The following ELMO1 variants were observed in gnomAD, a reference collection of about 807,000 sequenced individuals.
ELMO1 encodes the protein engulfment and cell motility protein 1.
In ELMO1, 26 loss-of-function variants were observed where a neutral mutation model predicts 98.9. That is an observed-to-expected ratio of 0.26 (90% CI 0.19 to 0.36). The LOEUF (loss-of-function observed/expected upper bound fraction) is 0.36, where lower values mean the gene tolerates loss of function less well. ELMO1 is among the 10% of genes least tolerant of loss of function. ELMO1 has a pLI of 1.00. For synonymous variants in ELMO1, 346 were observed against 346.0 expected, an observed-to-expected ratio of 1.00 and a Z score of 0.00; for missense variants, 627 against 935.2, an observed-to-expected ratio of 0.67 and a Z score of 4.30.
intron 1 of ELMO1, among the ~76,000 whole-genome samples, chr7:37,377,665 T>G (rs1338092178): frequency 6.6e-6 from 1 of 152,044 alleles, no homozygotes; most frequent in African/African-American, 2.4e-5. Context: ...GGAAAGCAAA[T>G]TTAGGGTCTG....
intron 15 of ELMO1, among the ~76,000 whole-genome samples, chr7:37,085,985 A>T (rs1316614500): frequency 6.6e-6 from 1 of 152,246 alleles, no homozygotes; most frequent in Non-Finnish European, 1.5e-5. Context: ...TGTAAGTTTC[A>T]TCCAAGGAAG....
At chr7:37,426,142 C>CT (rs36086006) in intron 1 of ELMO1, among the ~76,000 whole-genome samples, 14,981 of 84,512 alleles carry the variant, frequency 0.18, 2,707 homozygotes, top group African/African-American at 0.3. Flanking sequence ...TTTTTTCTTT[C>CT]TTTTTTTTTT....
chr7:37,040,444 A>C (rs918459084), intron 15 of ELMO1, among the ~76,000 whole-genome samples: 2 of 152,212 alleles, frequency 1.3e-5, no homozygotes, highest in Non-Finnish European at 2.9e-5. Flanking sequence ...TAGCATCATT[A>C]TGACAAAAAC....
intron 14 of ELMO1, among the ~76,000 whole-genome samples, chr7:37,119,904 G>A (rs1286317769): frequency 6.6e-6 from 1 of 152,166 alleles, no homozygotes; most frequent in Non-Finnish European, 1.5e-5. Flanking sequence ...TATGAGGGAC[G>A]CTGAAGCAAG....
chr7:37,153,793 G>T (rs1034812853), intron 13 of ELMO1, among the ~76,000 whole-genome samples: 2 of 152,190 alleles, frequency 1.3e-5, no homozygotes, highest in African/African-American at 4.8e-5. Flanking sequence ...CAGCTCTGAA[G>T]AGAGCAGTGG....
intron 1 of ELMO1, among the ~76,000 whole-genome samples, chr7:37,413,128 AT>A (rs35190792): frequency 0.25 from 38,305 of 150,906 alleles, 5,101 homozygotes; most frequent in East Asian, 0.42. Flanking sequence ...ACTTGACCAA[AT>A]TTTTTTTTTG....
At chr7:37,232,045 G>T (rs1057394787) in intron 8 of ELMO1, among the ~76,000 whole-genome samples, 8 of 152,056 alleles carry the variant, frequency 5.3e-5, no homozygotes, top group Non-Finnish European at 1.0e-4. Context: ...TAGAGACGAG[G>T]TTTCACCATG....
chr7:37,013,505 T>C (rs919545217), intron 15 of ELMO1, 70 bp from the exon 16 acceptor site: 50 of 1,560,628 alleles, frequency 3.2e-5, no homozygotes, highest in Non-Finnish European at 4.3e-5. Flanking sequence ...TAACCACAGG[T>C]ATGTGCCCCA....
intron 6 of ELMO1, among the ~76,000 whole-genome samples, chr7:37,245,235 T>C (rs1794939325): frequency 6.6e-6 from 1 of 152,148 alleles, no homozygotes; most frequent in Non-Finnish European, 1.5e-5. Context: ...GGTGCCTGCA[T>C]CGCAGGCCAC....
In ELMO1 at chr7:37,259,294, C is replaced by T. The variant is rs779135010; in HGVS notation, c.300G>A (p.Lys100=). 2.5e-6 allele frequency: 4 copies of T among 1,614,050 alleles called. No homozygotes were observed. The highest frequency in any genetic ancestry group is 3.3e-5 in the Admixed American group (2 of 60,006). The change falls in exon 6 of 22, where the codon AAG becomes AAA. Residue 100 remains lysine, a synonymous_variant. Transcript: ENST00000310758. ...TGGCCAAGTCCTTCAGGGCTTCCAG[C>T]TTGGCATCCATACTCGAGGACTGGA... ...ERIQSSSMDA[K]LEALKDLASL...
intron 7 of ELMO1, 25 bp downstream of exon 7, chr7:37,244,331 A>G (rs760092332): frequency 3.0e-5 from 48 of 1,611,120 alleles, no homozygotes; most frequent in Non-Finnish European, 3.8e-5. Flanking sequence ...TAAATCATCA[A>G]TATCAATCGA....
intron 14 of ELMO1, among the ~76,000 whole-genome samples, chr7:37,102,838 C>T (rs1784710659): frequency 6.6e-6 from 1 of 152,188 alleles, no homozygotes; most frequent in African/African-American, 2.4e-5. Flanking sequence ...TTACCAATTC[C>T]TATTGAAAAC....
intron 16 of ELMO1, among the ~76,000 whole-genome samples, chr7:36,937,952 T>C (rs927191593): frequency 1.3e-5 from 2 of 152,218 alleles, no homozygotes; most frequent in African/African-American, 4.8e-5. Flanking sequence ...TGAGAAACAC[T>C]ATTCTAGAAG....
chr7:37,350,406 G>A (rs1240286553), intron 1 of ELMO1, among the ~76,000 whole-genome samples: 1 of 152,196 alleles, frequency 6.6e-6, no homozygotes, highest in Non-Finnish European at 1.5e-5. Context: ...TGCTTTCCCA[G>A]TGTCTGGCAT....
chr7:36,974,364 G>A (rs1790309124), intron 16 of ELMO1, among the ~76,000 whole-genome samples: 1 of 152,144 alleles, frequency 6.6e-6, no homozygotes, highest in African/African-American at 2.4e-5. Context: ...TCTAGCTCAG[G>A]GATTGTAAAT....
chr7:37,116,834 G>GA (rs1785631607), intron 14 of ELMO1: 1 of 165,362 alleles, frequency 6.0e-6, no homozygotes, highest in Non-Finnish European at 1.3e-5. Flanking sequence ...TCCTAGAAAA[G>GA]TACTACATGT....
intron 16 of ELMO1, among the ~76,000 whole-genome samples, chr7:36,925,432 GAAGAT>G (rs1785490997): frequency 6.6e-6 from 1 of 152,136 alleles, no homozygotes; most frequent in Non-Finnish European, 1.5e-5. Context: ...CTGCTGCACA[GAAGAT>G]AAGACCTTAA....
chr7:37,324,913 G>A (rs1236744749), intron 2 of ELMO1, among the ~76,000 whole-genome samples: 1 of 152,200 alleles, frequency 6.6e-6, no homozygotes, highest in Non-Finnish European at 1.5e-5. Context: ...GACGGCTTCT[G>A]CAGTCCCTGG....
At chr7:37,186,659 A>G (rs1056600919) in intron 13 of ELMO1, among the ~76,000 whole-genome samples, 3 of 152,196 alleles carry the variant, frequency 2.0e-5, no homozygotes, top group African/African-American at 7.2e-5. Flanking sequence ...ATCTGAACAG[A>G]CATTTCCCCA....
Sources: gnomAD v4.1 joint callset for allele counts (sites outside exome capture counted in the v4.1 genomes callset) on GRCh38, gnomAD v4.1.1 for gene constraint, MANE v1.5 for transcripts, NCBI Gene and HGNC (gene_info 2026-07-23, HGNC 2026-07-21) for gene names.